Variants in KIT observed in about 807,000 individuals in gnomAD.
The protein encoded by KIT is mast/stem cell growth factor receptor Kit.
KIT carries 16 observed loss-of-function variants against 105.7 expected under a neutral mutation model. That is an observed-to-expected ratio of 0.15 (90% confidence interval 0.10 to 0.23). The LOEUF (loss-of-function observed/expected upper bound fraction) is 0.23, where lower values mean the gene tolerates loss of function less well. Ranked by LOEUF, KIT falls within the 10% of genes least tolerant of loss-of-function variation. The pLI, the probability that KIT is intolerant of heterozygous loss-of-function variation, is 1.00. For synonymous variants in KIT, 438 were observed against 441.1 expected (o/e 0.99, Z 0.09); for missense variants, 858 against 1,213.8 (o/e 0.71, Z 4.36).
intron 4 of KIT, among the ~76,000 whole-genome samples, chr4:54,700,696 A>G (rs1200577680): frequency 6.6e-6 from 1 of 152,166 alleles, no homozygotes; most frequent in African/African-American, 2.4e-5. Context: ...CTCCTGCCCC[A>G]TGTTCAACAT....
At chr4:54,700,026 C>T (rs1720355745) in intron 4 of KIT, among the ~76,000 whole-genome samples, 1 of 152,154 alleles carries the variant, frequency 6.6e-6, no homozygotes, top group Non-Finnish European at 1.5e-5. Context: ...CATGTTATTA[C>T]TTCATGCTGT....
At chr4:54,720,276 TA>T (rs1721783997) in intron 7 of KIT, among the ~76,000 whole-genome samples, 1 of 152,142 alleles carries the variant, frequency 6.6e-6, no homozygotes, top group South Asian at 2.1e-4. Context: ...TTGGCCAACC[TA>T]AGGCCAGCAG....
intron 15 of KIT, 40 bp from the exon 16 acceptor site, chr4:54,731,831 A>G (rs373063532): frequency 4.7e-5 from 75 of 1,608,326 alleles, no homozygotes; most frequent in Non-Finnish European, 5.7e-5. Flanking sequence ...CCTGACCTTT[A>G]TGGTTGTAAT....
chr4:54,726,106 A>C, intron 9 of KIT, 56 bp downstream of exon 9: 1 of 1,408,714 alleles, frequency 7.1e-7, no homozygotes, highest in Non-Finnish European at 1.0e-6. Flanking sequence ...CTACCATATC[A>C]GTCATGATTT....
intron 1 of KIT, among the ~76,000 whole-genome samples, chr4:54,671,396 A>C (rs1347013750): frequency 6.6e-5 from 10 of 152,178 alleles, no homozygotes; most frequent in Admixed American, 6.5e-4. Flanking sequence ...ATCCCTAGTG[A>C]CCATAGCCTT....
chr4:54,672,675 C>T (rs1249931910), intron 1 of KIT, among the ~76,000 whole-genome samples: 1 of 152,148 alleles, frequency 6.6e-6, no homozygotes, highest in Admixed American at 6.6e-5. Context: ...GATGGCTATA[C>T]TCATTTTTCA....
rs1403733672 is a variant in KIT at position 54,709,532 on chromosome 4, T to C, written c.1224T>C (p.Tyr408=). The C allele has an allele frequency of 1.3e-6, 2 of 1,589,174 alleles. No individual in the cohort carries two copies. Among genetic ancestry groups the C allele is most frequent in the Admixed American group, 3.3e-5 (2 of 59,986 alleles). The change falls in exon 7 of 21, where the codon TAT becomes TAC. Residue 408 remains tyrosine (Y), a synonymous_variant. Transcript: ENST00000288135. ...ATGCTGCCATAGCATTTAATGTTTA[T>C]GTGAATAGTAAGTAACATGAAGGGC... ...DVNAAIAFNV[Y]VNTKPEILTY... is the part of the protein sequence containing the mutation.
intron 1 of KIT, among the ~76,000 whole-genome samples, chr4:54,692,201 G>A (rs990218035): frequency 3.9e-5 from 6 of 152,194 alleles, no homozygotes; most frequent in African/African-American, 1.4e-4. Flanking sequence ...TGCAAGTCTA[G>A]ACAGTCCTAA....
intron 16 of KIT, among the ~76,000 whole-genome samples, chr4:54,732,632 C>CT (rs1459128840): frequency 6.6e-6 from 1 of 152,078 alleles, no homozygotes; most frequent in Non-Finnish European, 1.5e-5. Flanking sequence ...AATTACCAAA[C>CT]TAAGAAAGGA....
intron 6 of KIT, 68 bp downstream of exon 6, chr4:54,707,355 A>G (rs1720858886): frequency 8.7e-7 from 1 of 1,142,928 alleles, no homozygotes; most frequent in Non-Finnish European, 1.3e-6. Context: ...ATCAGATCTT[A>G]TTTCTGTAAC....
chr4:54,709,531 A>T lies in KIT; in HGVS notation c.1223A>T (p.Tyr408Phe). ...AATGCTGCCATAGCATTTAATGTTT[A>T]TGTGAATAGTAAGTAACATGAAGGG... ...DVNAAIAFNV[Y>F]VNTKPEILTY... The change falls in exon 7 of 21, where the codon TAT becomes TTT. Residue 408 changes from tyrosine to phenylalanine, a missense_variant. This residue lies in a region of KIT where 401 missense variants were observed against 601.0 expected (regional missense o/e 0.67). Transcript: ENST00000288135. 6.3e-7 allele frequency: 1 copy of T among 1,588,984 alleles called. No individual in the cohort carries two copies. The highest frequency in any genetic ancestry group is 8.6e-7 in the Non-Finnish European group (1 of 1,157,144).
intron 1 of KIT, among the ~76,000 whole-genome samples, chr4:54,672,105 A>T (rs1212832608): frequency 6.6e-6 from 1 of 152,170 alleles, no homozygotes; most frequent in African/African-American, 2.4e-5. Context: ...AAAGAAAGCA[A>T]ACAAGATCTA....
chr4:54,689,298 T>C (rs542736622), intron 1 of KIT, among the ~76,000 whole-genome samples: 6 of 152,198 alleles, frequency 3.9e-5, no homozygotes, highest in Non-Finnish European at 7.3e-5. Flanking sequence ...TAATAAAATA[T>C]CGAATACAAC....
intron 1 of KIT, among the ~76,000 whole-genome samples, chr4:54,673,537 A>T (rs1438096797): frequency 6.6e-6 from 1 of 152,150 alleles, no homozygotes; most frequent in African/African-American, 2.4e-5. Context: ...TGAGTTTTAA[A>T]AATTCTGATT....
intron 1 of KIT, among the ~76,000 whole-genome samples, chr4:54,667,009 A>C (rs919638675): frequency 6.6e-6 from 1 of 152,226 alleles, no homozygotes; most frequent in African/African-American, 2.4e-5. Context: ...TGTCAAAATA[A>C]GACAAAAGGA....
intron 1 of KIT, among the ~76,000 whole-genome samples, chr4:54,659,322 A>G (rs1717066391): frequency 1.3e-5 from 2 of 152,094 alleles, no homozygotes. Flanking sequence ...CCTTTTTTCC[A>G]GGTGTCGCTG....
At position 54,699,660 on chromosome 4, in the gene KIT, C is replaced by A. The variant is rs1163691210; in HGVS notation, c.650C>A (p.Ser217Tyr). 1.2e-6 allele frequency: 2 copies of A among 1,613,850 alleles called. No homozygotes were observed. The highest frequency in any genetic ancestry group is 1.7e-6 in the Non-Finnish European group (2 of 1,179,920). ...AFKAVPVVSV[S>Y]KASYLLREGE... ...AAAGCTGTGCCTGTTGTGTCTGTGTCCAAAGCAAGCTATCTTCTTAGGGAA... is the reference window on the plus strand; with the variant it reads ...AAAGCTGTGCCTGTTGTGTCTGTGTACAAAGCAAGCTATCTTCTTAGGGAA... The change falls in exon 4 of 21, where the codon TCC becomes TAC. Residue 217 changes from serine to tyrosine, a missense_variant. Ser to Tyr is a moderately radical substitution (Grantham distance 144). Coordinates refer to ENST00000288135, the MANE Select transcript of KIT (RefSeq NM_000222.3).
intron 1 of KIT, among the ~76,000 whole-genome samples, chr4:54,664,263 G>A (rs1036010270): frequency 6.6e-6 from 1 of 152,202 alleles, no homozygotes; most frequent in African/African-American, 2.4e-5. Flanking sequence ...TGGTATGATG[G>A]CTGGGGGTAG....
intron 5 of KIT, among the ~76,000 whole-genome samples, chr4:54,705,659 G>A (rs763075667): frequency 1.3e-5 from 2 of 152,120 alleles, no homozygotes; most frequent in East Asian, 1.9e-4. Context: ...GAGGCGGGCA[G>A]ATCTCTTAAG....
Sources: gnomAD v4.1 joint callset for allele counts (sites outside exome capture counted in the v4.1 genomes callset) on GRCh38, gnomAD v4.1.1 for gene constraint, gnomAD v4.1.1 regional missense constraint, MANE v1.5 for transcripts, NCBI Gene and HGNC (gene_info 2026-07-23, HGNC 2026-07-21) for gene names.